LRBA: variants seen among roughly 807,000 people sequenced by gnomAD.
LRBA encodes lipopolysaccharide-responsive and beige-like anchor protein.
Under a neutral mutation model 330.0 loss-of-function variants are expected in LRBA, and 176 were observed. The ratio of observed to expected loss-of-function variants is 0.53; its 90% confidence interval spans 0.47 to 0.60. The LOEUF is 0.60. Ranked by LOEUF, LRBA falls within the 20% of genes least tolerant of loss-of-function variation. The pLI is 0.00. For synonymous variants in LRBA, 1,230 were observed against 1,193.0 expected (o/e 1.03, Z -0.64); for missense variants, 3,259 against 3,444.8 (o/e 0.95, Z 1.35).
intron 44 of LRBA, among the ~76,000 whole-genome samples, chr4:150,461,543 G>A (rs1754775446): frequency 6.6e-6 from 1 of 151,636 alleles, no homozygotes; most frequent in Non-Finnish European, 1.5e-5. Flanking sequence ...TTCTGCCTCT[G>A]TAAAAAACAA....
intron 42 of LRBA, among the ~76,000 whole-genome samples, chr4:150,477,233 T>A (rs1219753009): frequency 2.0e-5 from 3 of 152,178 alleles, no homozygotes; most frequent in Non-Finnish European, 4.4e-5. Context: ...CTACCATCCC[T>A]TGGTGATATG....
chr4:150,745,249 G>T (rs1252119406), intron 35 of LRBA, among the ~76,000 whole-genome samples: 1 of 152,202 alleles, frequency 6.6e-6, no homozygotes, highest in African/African-American at 2.4e-5. Flanking sequence ...CTGTAGGATA[G>T]TAAACATAAG....
intron 37 of LRBA, among the ~76,000 whole-genome samples, chr4:150,624,664 G>A (rs934366753): frequency 2.6e-5 from 4 of 151,746 alleles, no homozygotes; most frequent in South Asian, 2.1e-4. Flanking sequence ...CAACTAATGC[G>A]TATATAAAAA....
At chr4:150,520,607 TAAG>T (rs1195936287) in intron 40 of LRBA, among the ~76,000 whole-genome samples, 2 of 152,192 alleles carry the variant, frequency 1.3e-5, no homozygotes, top group Non-Finnish European at 2.9e-5. Context: ...TATGCAGCCA[TAAG>T]AAGAATGAGA....
At chr4:150,305,407 A>G (rs949487405) in intron 52 of LRBA, among the ~76,000 whole-genome samples, 11 of 152,280 alleles carry the variant, frequency 7.2e-5, no homozygotes, top group African/African-American at 2.4e-4. Context: ...ATTGTTTTCC[A>G]AAAAGTTATC....
chr4:150,514,974 G>C (rs1453839509), intron 40 of LRBA, among the ~76,000 whole-genome samples: 1 of 151,956 alleles, frequency 6.6e-6, no homozygotes, highest in East Asian at 1.9e-4. Flanking sequence ...CCTTTATCTC[G>C]CCTTAAACTA....
At chr4:150,590,501 C>G (rs1181004588) in intron 39 of LRBA, among the ~76,000 whole-genome samples, 1 of 150,752 alleles carries the variant, frequency 6.6e-6, no homozygotes, top group Non-Finnish European at 1.5e-5. Context: ...GAAAATTATT[C>G]ACAAAAGAAA....
chr4:150,457,511 TA>T (rs1229281197), intron 44 of LRBA, among the ~76,000 whole-genome samples: 3 of 151,968 alleles, frequency 2.0e-5, no homozygotes, highest in African/African-American at 7.2e-5. Flanking sequence ...TTATCCACTG[TA>T]AAAAAGCATA....
intron 47 of LRBA, among the ~76,000 whole-genome samples, chr4:150,366,714 C>A: frequency 6.6e-6 from 1 of 152,194 alleles, no homozygotes. Flanking sequence ...CAGAATGCAG[C>A]TAGCCATAAG....
At chr4:150,783,320 T>C (rs1738540705) in intron 34 of LRBA, among the ~76,000 whole-genome samples, 1 of 152,172 alleles carries the variant, frequency 6.6e-6, no homozygotes, top group African/African-American at 2.4e-5. Context: ...CAAACAATTA[T>C]AGGATAATAG....
At chr4:150,494,757 A>G (rs1195357529) in intron 40 of LRBA, among the ~76,000 whole-genome samples, 1 of 152,204 alleles carries the variant, frequency 6.6e-6, no homozygotes, top group Non-Finnish European at 1.5e-5. Context: ...ACATTTTGGG[A>G]GGCCAAGGCA....
intron 47 of LRBA, among the ~76,000 whole-genome samples, chr4:150,364,146 T>C (rs1739102740): frequency 1.3e-5 from 2 of 152,184 alleles, no homozygotes; most frequent in Non-Finnish European, 2.9e-5. Flanking sequence ...CTAATACACT[T>C]GACAAAAGCT....
intron 2 of LRBA, among the ~76,000 whole-genome samples, chr4:150,965,688 T>TACGAC (rs1738799261): frequency 6.6e-6 from 1 of 151,214 alleles, no homozygotes; most frequent in Non-Finnish European, 1.5e-5. Flanking sequence ...TATAGGCACA[T>TACGAC]ACGACCATGC....
rs145804254 is a variant in LRBA, at chr4:150,570,594, G to C, written c.6330+17454C>G. 1.8e-4 allele frequency among the ~76,000 whole-genome samples: 28 copies of C among 152,188 alleles called. No individual in the cohort carries two copies. The East Asian group carries it at 4.8e-3, about 26-fold the overall frequency. On this transcript the variant is annotated intron_variant, in intron 40 of 56. Coordinates refer to ENST00000651943, the MANE Select transcript of LRBA (RefSeq NM_001364905.1). ...TATTTAAGATTACAAGATCTAGAAA[G>C]ATCTTTTGAGTCATTCATTCTCTTT...
chr4:150,372,295 T>A (rs1197152836), intron 47 of LRBA, among the ~76,000 whole-genome samples: 1 of 152,112 alleles, frequency 6.6e-6, no homozygotes, highest in Admixed American at 6.5e-5. Context: ...TACACCGTAT[T>A]TTATTTCTGT....
chr4:150,353,596 G>T (rs977090747), intron 47 of LRBA, among the ~76,000 whole-genome samples: 5 of 152,080 alleles, frequency 3.3e-5, no homozygotes, highest in African/African-American at 9.7e-5. Context: ...GTTAGATTTC[G>T]ATGCTTAAAG....
intron 40 of LRBA, among the ~76,000 whole-genome samples, chr4:150,539,637 C>T (rs1191889137): frequency 3.9e-5 from 6 of 152,150 alleles, no homozygotes; most frequent in Non-Finnish European, 7.4e-5. Flanking sequence ...GAATAGTTAC[C>T]TGGAAGTGGC....
chr4:150,367,841 A>G (rs920535615), intron 47 of LRBA, among the ~76,000 whole-genome samples: 4 of 152,202 alleles, frequency 2.6e-5, no homozygotes, highest in Admixed American at 2.0e-4. Context: ...ATATTCTTCT[A>G]TGAAGAATAT....
chr4:150,804,572 T>C (rs1376339885), intron 33 of LRBA, among the ~76,000 whole-genome samples: 1 of 152,204 alleles, frequency 6.6e-6, no homozygotes. Flanking sequence ...TCCTAGCTAC[T>C]GTTAGTCAAC....
Sources: gnomAD v4.1 joint callset for allele counts (sites outside exome capture counted in the v4.1 genomes callset) on GRCh38, gnomAD v4.1.1 for gene constraint, MANE v1.5 for transcripts, NCBI Gene and HGNC (gene_info 2026-07-23, HGNC 2026-07-21) for gene names.